The following STK11IP variants were observed in gnomAD, a reference collection of about 807,000 sequenced individuals.
STK11IP encodes the protein serine/threonine kinase 11 interacting protein, also known as serine/threonine-protein kinase 11-interacting protein.
Under a neutral mutation model 131.7 loss-of-function variants are expected in STK11IP, and 103 were observed. The observed-to-expected ratio is 0.78, with a 90% CI of 0.67 to 0.92. STK11IP has a LOEUF of 0.92. Ranked by LOEUF, STK11IP falls within the 40% of genes least tolerant of loss-of-function variation. The probability of loss-of-function intolerance (pLI) is 0.00; values close to 1 mark genes in which losing one functional copy is unlikely to be tolerated. For missense variants in STK11IP, 1,315 were observed against 1,385.7 expected (o/e 0.95, Z 0.81); for synonymous variants, 557 against 575.6 (o/e 0.97, Z 0.46).
At position 219,609,429 on chromosome 2, in the gene STK11IP, C is replaced by T. The variant is rs1698318838; in HGVS notation, c.1993C>T (p.Leu665Phe). The change falls in exon 17 of 25, where the codon CTC becomes TTC. Residue 665 changes from leucine (L) to phenylalanine (F), a missense_variant. Physicochemically the swap from Leu to Phe is conservative, Grantham distance 22 (BLOSUM62 0). Coordinates refer to ENST00000456909, the MANE Select transcript of STK11IP (RefSeq NM_052902.4). ...AREQLGEARD[L>F]LLGRFQCLRC... ...GGAACAGCTTGGGGAGGCCAGGGAC[C>T]TCCTGCTGGGTAGATTCCAGTGTCT... The T allele has an allele frequency of 6.2e-7, 1 of 1,613,030 alleles. No individual in the cohort carries two copies. The highest frequency in any genetic ancestry group is 8.5e-7 in the Non-Finnish European group (1 of 1,179,670).
chr2:219,603,044 T>G (rs2106149291), intron 7 of STK11IP, among the ~76,000 whole-genome samples: 1 of 147,406 alleles, frequency 6.8e-6, no homozygotes, highest in Admixed American at 6.7e-5. Flanking sequence ...TGGTTTTTTT[T>G]TTTTTTTTTT....
At chr2:219,600,543 G>A (rs1697952478) in intron 2 of STK11IP, among the ~76,000 whole-genome samples, 1 of 152,218 alleles carries the variant, frequency 6.6e-6, no homozygotes, top group Admixed American at 6.5e-5. Context: ...AGCCAAAAAA[G>A]CATTCCTTCA....
Position 219,616,301 on chromosome 2 carries a change from T to A in STK11IP, c.*108T>A. The A allele has an allele frequency of 7.1e-7, 1 of 1,404,090 alleles. No individual in the cohort carries two copies. Among genetic ancestry groups the A allele is most frequent in the Non-Finnish European group, 9.5e-7 (1 of 1,048,122 alleles). The allele number at this position is 1,404,090 out of a possible 1,614,324, so 87.0% of individuals were successfully genotyped here. A position where few individuals can be genotyped will look rare whatever the true frequency, so the allele number is the denominator to read the frequency against. Reference sequence around the variant, plus strand: ...GCTCTGGCTGTGGATGTCTTCAGCCTCTGGGTGCTGGCCAGTGAGGTCCCA... The same window carrying A: ...GCTCTGGCTGTGGATGTCTTCAGCCACTGGGTGCTGGCCAGTGAGGTCCCA... On this transcript the variant is annotated 3_prime_UTR_variant, in exon 25 of 25. Transcript: ENST00000456909.
Position 219,597,880 on chromosome 2 carries a change from C to T in STK11IP, c.-70C>T, listed in dbSNP as rs963194754. 10 of 1,606,318 alleles carry T rather than the reference C, an allele frequency of 6.2e-6. No individual in the cohort carries two copies. Among genetic ancestry groups the T allele is most frequent in the African/African-American group, 2.7e-5 (2 of 74,684 alleles). On this transcript the variant is annotated 5_prime_UTR_variant, in exon 1 of 25. Coordinates refer to ENST00000456909, the MANE Select transcript of STK11IP (RefSeq NM_052902.4). ...GGACTTCCTTTCCATCATTGATAGGCGCCGGGCAGCTGAGCTGGTAGGAGG... is the reference window on the plus strand; with the variant it reads ...GGACTTCCTTTCCATCATTGATAGGTGCCGGGCAGCTGAGCTGGTAGGAGG...
In STK11IP at chr2:219,613,762, G is replaced by A; in HGVS notation, c.2548G>A (p.Ala850Thr). ...CCCCTCTCTCCACAGTGAGCCTCCA[G>A]CTAGCTGGCTGCAGCTGACCCTGGC... is the stretch of plus-strand genomic sequence containing the variant. ...KVTGEMREPP[A>T]SWLQLTLAVP... The change falls in exon 21 of 25, where the codon GCT becomes ACT. Residue 850 changes from alanine to threonine, a missense_variant. Physicochemically the swap from Ala to Thr is moderately conservative, Grantham distance 58 (BLOSUM62 0). Coordinates refer to ENST00000456909, the MANE Select transcript of STK11IP (RefSeq NM_052902.4). 1 of 1,612,392 alleles carries A rather than the reference G, an allele frequency of 6.2e-7. No individual in the cohort carries two copies. The highest frequency in any genetic ancestry group is 8.5e-7 in the Non-Finnish European group (1 of 1,179,630).
rs371269246 is a variant in STK11IP, at chr2:219,605,877, A to G, written c.746-79A>G. The G allele has an allele frequency of 5.9e-5, 87 of 1,479,850 alleles. No individual in the cohort carries two copies. The African/African-American group carries it at 8.0e-4, about 14-fold the overall frequency. 91.7% of individuals were successfully genotyped at this position (1,479,850 alleles called of 1,614,324 possible). A position where few individuals can be genotyped will look rare whatever the true frequency, so the allele number is the denominator to read the frequency against. Reference sequence around the variant, plus strand: ...TGCTCTGGCCGGTCTTTCTGCTGCAACCTCCCCCAGTGCATGCACCACACT... The same window carrying G: ...TGCTCTGGCCGGTCTTTCTGCTGCAGCCTCCCCCAGTGCATGCACCACACT... On this transcript the variant is annotated intron_variant, in intron 8 of 24. Coordinates refer to ENST00000456909, the MANE Select transcript of STK11IP (RefSeq NM_052902.4).
At chr2:219,601,134 A>G (rs1574611912) in intron 2 of STK11IP, 101 bp from the exon 3 acceptor site, 6 of 866,160 alleles carry the variant, frequency 6.9e-6, no homozygotes, top group East Asian at 2.6e-5. Context: ...AAGATCTACA[A>G]TATGGATTGG....
Position 219,613,811 on chromosome 2 carries a change from G to A in STK11IP, c.2597G>A (p.Gly866Asp), listed in dbSNP as rs375380075. 5.6e-6 allele frequency: 9 copies of A among 1,612,248 alleles called. No individual in the cohort carries two copies. The highest frequency in any genetic ancestry group is 6.8e-6 in the Non-Finnish European group (8 of 1,179,682). ...TLAVPLQDLS[G>D]IELGLAGQSL... ...GCTGTTCCCCTGCAGGATCTGAGTG[G>A]CATAGAGCTGGGCCTGGCAGGCCAG... Residue 866 changes from glycine to aspartate, a missense_variant, in exon 21 of 25, where the codon GGC becomes GAC. Physicochemically the swap from Gly to Asp is moderately conservative, Grantham distance 94. Transcript: ENST00000456909.
At position 219,602,690 on chromosome 2, in the gene STK11IP, C is replaced by A; in HGVS notation, c.547-15C>A. The A allele has an allele frequency of 6.2e-7, 1 of 1,613,600 alleles. No homozygotes were observed. Among genetic ancestry groups the A allele is most frequent in the Non-Finnish European group, 8.5e-7 (1 of 1,179,674 alleles). ...AGTGAACATCGATTCTCTGCCTCCT[C>A]CCCGTCTCTCTCAGCGCCTCTTGTC... On this transcript the variant is annotated splice_polypyrimidine_tract_variant and intron_variant, in intron 6 of 24. Coordinates refer to ENST00000456909, the MANE Select transcript of STK11IP (RefSeq NM_052902.4).
In STK11IP at chr2:219,613,120, T is replaced by A; in HGVS notation, c.2440-8T>A. The A allele has an allele frequency of 6.2e-7, 1 of 1,610,812 alleles. No homozygotes were observed. Among genetic ancestry groups the A allele is most frequent in the South Asian group, 1.1e-5 (1 of 90,848 alleles). On this transcript the variant is annotated splice_region_variant and splice_polypyrimidine_tract_variant and intron_variant, in intron 19 of 24. Coordinates refer to ENST00000456909, the MANE Select transcript of STK11IP (RefSeq NM_052902.4). ...ATCAGGTTTCTCACCAACTTCCTCT[T>A]CCCCCAGGTGCCAGTGGCATTGGCA...
chr2:219,616,295 T>A lies in STK11IP; in HGVS notation c.*102T>A. 7.0e-7 allele frequency: 1 copy of A among 1,428,976 alleles called. No individual in the cohort carries two copies. The highest frequency in any genetic ancestry group is 9.4e-7 in the Non-Finnish European group (1 of 1,066,864). 88.5% of individuals were successfully genotyped at this position (1,428,976 alleles called of 1,614,324 possible). A position where few individuals can be genotyped will look rare whatever the true frequency, so the allele number is the denominator to read the frequency against. On this transcript the variant is annotated 3_prime_UTR_variant, in exon 25 of 25. Transcript: ENST00000456909. ...TTCCAGGCTCTGGCTGTGGATGTCT[T>A]CAGCCTCTGGGTGCTGGCCAGTGAG...
chr2:219,612,750 G>A (rs547077156), intron 19 of STK11IP, among the ~76,000 whole-genome samples: 1 of 152,324 alleles, frequency 6.6e-6, no homozygotes, highest in East Asian at 1.9e-4. Flanking sequence ...GCCGGCAGGG[G>A]CCAGGTCAGG....
At chr2:219,615,971 G>C (rs665845) in intron 24 of STK11IP, 73 bp from the exon 25 acceptor site, 1,559,924 of 1,568,674 alleles carry the variant, frequency 0.99, 776,008 homozygotes, top group East Asian at 1. Flanking sequence ...TGAGGCCTTC[G>C]CAGAGACCTC....
intron 7 of STK11IP, 151 bp from the exon 8 acceptor site, chr2:219,605,457 C>T (rs896270822): frequency 2.1e-5 from 15 of 701,382 alleles, no homozygotes; most frequent in East Asian, 5.5e-5. Context: ...AGTCTTTTAA[C>T]GTGGGAGTAG....
chr2:219,606,539 G>A (rs1698170411), intron 11 of STK11IP, 22 bp downstream of exon 11: 2 of 1,612,636 alleles, frequency 1.2e-6, no homozygotes, highest in African/African-American at 1.3e-5. Flanking sequence ...TGGGGGGCGA[G>A]GACTGTTGGG....
At chr2:219,614,388 C>A (rs984814110) in intron 22 of STK11IP, 88 bp from the exon 23 acceptor site, 4 of 1,536,150 alleles carry the variant, frequency 2.6e-6, no homozygotes, top group African/African-American at 2.7e-5. Flanking sequence ...TCCTCCCAAC[C>A]CCCTGCAGGG....
intron 12 of STK11IP, 29 bp downstream of exon 12, chr2:219,606,887 C>T (rs760759272): frequency 3.8e-6 from 6 of 1,596,382 alleles, no homozygotes; most frequent in African/African-American, 2.7e-5. Context: ...TGCCTTGTGC[C>T]TGCGGTTGGG....
intron 4 of STK11IP, 41 bp from the exon 5 acceptor site, chr2:219,601,947 T>C (rs1697999420): frequency 1.3e-6 from 2 of 1,538,848 alleles, no homozygotes; most frequent in Admixed American, 1.8e-5. Context: ...CTTTGTCTTC[T>C]GTGGGGTTCT....
At chr2:219,601,089 C>A in intron 2 of STK11IP, 146 bp from the exon 3 acceptor site, 2 of 651,126 alleles carry the variant, frequency 3.1e-6, no homozygotes, top group South Asian at 2.0e-5. Flanking sequence ...TGCTTTTGAG[C>A]TGAGAAGGAG....
Sources: gnomAD v4.1 joint callset for allele counts (sites outside exome capture counted in the v4.1 genomes callset) on GRCh38, gnomAD v4.1.1 for gene constraint, MANE v1.5 for transcripts, NCBI Gene and HGNC (gene_info 2026-07-23, HGNC 2026-07-21) for gene names.